SDK1: variants seen among roughly 807,000 people sequenced by gnomAD.
SDK1 encodes protein sidekick-1.
In SDK1, 157 loss-of-function variants were observed where a neutral mutation model predicts 245.5. That is an observed-to-expected ratio of 0.64 (90% CI 0.56 to 0.73). The LOEUF (loss-of-function observed/expected upper bound fraction) is 0.73, where lower values mean the gene tolerates loss of function less well. SDK1 is among the 30% of genes least tolerant of loss of function. The pLI, the probability that SDK1 is intolerant of heterozygous loss-of-function variation, is 0.00. For synonymous variants in SDK1, 1,647 were observed against 1,278.5 expected, an observed-to-expected ratio of 1.29 and a Z score of -6.15; for missense variants, 3,583 against 3,002.3, an observed-to-expected ratio of 1.19 and a Z score of -4.52.
chr7:3,341,796 G>A (rs1292284569), intron 1 of SDK1, among the ~76,000 whole-genome samples: 1 of 152,178 alleles, frequency 6.6e-6, no homozygotes, highest in Non-Finnish European at 1.5e-5. Flanking sequence ...CCCAAATGTT[G>A]CCACAAACCA....
chr7:3,841,728 A>G (rs190313174), intron 5 of SDK1, among the ~76,000 whole-genome samples: 293 of 152,026 alleles, frequency 1.9e-3, no homozygotes, highest in Non-Finnish European at 3.5e-3. Context: ...ATGCCTGGCT[A>G]ATTTTTGTAT....
At chr7:3,735,015 C>T (rs1004652580) in intron 4 of SDK1, among the ~76,000 whole-genome samples, 3 of 152,084 alleles carry the variant, frequency 2.0e-5, no homozygotes, top group Non-Finnish European at 2.9e-5. Flanking sequence ...GTTAAGACCT[C>T]TGTAATTACA....
chr7:3,582,685 A>T (rs960689769), intron 1 of SDK1, among the ~76,000 whole-genome samples: 6 of 51,214 alleles, frequency 1.2e-4, no homozygotes, highest in Admixed American at 3.2e-4. Context: ...AACTAAAGTA[A>T]AAAAAAAAAA....
intron 22 of SDK1, among the ~76,000 whole-genome samples, chr7:4,091,244 T>G (rs957991244): frequency 2.0e-5 from 3 of 151,996 alleles, no homozygotes; most frequent in African/African-American, 7.3e-5. Context: ...CTTTTCTATA[T>G]CTACAAAGGC....
At chr7:3,831,935 C>T (rs1448584101) in intron 5 of SDK1, among the ~76,000 whole-genome samples, 1 of 152,018 alleles carries the variant, frequency 6.6e-6, no homozygotes. Context: ...CCTGTGGCCC[C>T]AGCTGCTCAG....
rs377061305 is a variant in SDK1 at position 4,194,458 on chromosome 7, A to ATG, written c.5099-11411_5099-11410dup. ...TATACATATATGTATACATGTATAT[A>ATG]TGTGTGTGTGTATATATATACTCCC... On this transcript the variant is annotated intron_variant, in intron 35 of 44. Coordinates refer to ENST00000404826, the MANE Select transcript of SDK1 (RefSeq NM_152744.4). Among the ~76,000 whole-genome samples the ATG allele has an allele frequency of 5.0e-4, 31 of 62,152 alleles. 2 individuals carry two copies. Among genetic ancestry groups the ATG allele is most frequent in the African/African-American group, 1.5e-3 (20 of 12,940 alleles). 40.8% of individuals were successfully genotyped at this position (62,152 alleles called of 152,430 possible).
intron 1 of SDK1, among the ~76,000 whole-genome samples, chr7:3,440,355 C>A (rs920293167): frequency 5.3e-5 from 8 of 152,280 alleles, no homozygotes; most frequent in Middle Eastern, 3.4e-3. Flanking sequence ...GCAGGCTATA[C>A]AGTCTGTTGG....
intron 1 of SDK1, among the ~76,000 whole-genome samples, chr7:3,360,621 A>C (rs1023658029): frequency 6.6e-6 from 1 of 152,204 alleles, no homozygotes; most frequent in Admixed American, 6.5e-5. Flanking sequence ...TTTCTTAGGA[A>C]TATATGACAA....
intron 1 of SDK1, among the ~76,000 whole-genome samples, chr7:3,334,771 A>G (rs1780156666): frequency 6.6e-6 from 1 of 152,088 alleles, no homozygotes; most frequent in South Asian, 2.1e-4. Flanking sequence ...GTTTATCTCT[A>G]GCTTCAACCT....
At chr7:3,494,888 A>G (rs897538968) in intron 1 of SDK1, among the ~76,000 whole-genome samples, 8 of 152,190 alleles carry the variant, frequency 5.3e-5, no homozygotes, top group African/African-American at 1.7e-4. Context: ...TTCTGCTCCC[A>G]TGGTTTCAAA....
chr7:3,368,387 G>A (rs1781143398), intron 1 of SDK1, among the ~76,000 whole-genome samples: 1 of 152,150 alleles, frequency 6.6e-6, no homozygotes, highest in South Asian at 2.1e-4. Flanking sequence ...TCATACTTTT[G>A]TGGGAAACAT....
rs2128231529 is a variant in SDK1 at position 4,220,096 on chromosome 7, C to T, written c.5540-13C>T. On this transcript the variant is annotated splice_polypyrimidine_tract_variant and intron_variant, in intron 38 of 44. Transcript: ENST00000404826. Reference sequence around the variant, plus strand: ...CTGAACCCCCTTGTTTCCTTTGCTTCTGGCGGCTGCAGGGGTGAGCAAGGT... The same window carrying T: ...CTGAACCCCCTTGTTTCCTTTGCTTTTGGCGGCTGCAGGGGTGAGCAAGGT... The T allele has an allele frequency of 6.2e-7, 1 of 1,611,176 alleles. No individual in the cohort carries two copies. Among genetic ancestry groups the T allele is most frequent in the Non-Finnish European group, 8.5e-7 (1 of 1,177,968 alleles).
chr7:3,664,597 G>A (rs1042715003), intron 4 of SDK1, among the ~76,000 whole-genome samples: 22 of 152,010 alleles, frequency 1.4e-4, no homozygotes, highest in Non-Finnish European at 2.8e-4. Context: ...AAAATTGGCC[G>A]GGCATGGTGG....
intron 1 of SDK1, among the ~76,000 whole-genome samples, chr7:3,413,114 A>T (rs1779258563): frequency 6.6e-6 from 1 of 152,216 alleles, no homozygotes; most frequent in Admixed American, 6.5e-5. Flanking sequence ...CCCCCTGAGG[A>T]AGTGATATTT....
At chr7:4,049,310 C>A in intron 17 of SDK1, 38 bp from the exon 18 acceptor site, 1 of 1,519,824 alleles carries the variant, frequency 6.6e-7, no homozygotes, top group Non-Finnish European at 9.1e-7. Context: ...TCCCTCCTGC[C>A]ATTTGTTCTG....
At chr7:4,111,105 C>T (rs1210295951) in intron 23 of SDK1, among the ~76,000 whole-genome samples, 5 of 152,180 alleles carry the variant, frequency 3.3e-5, no homozygotes, top group Admixed American at 3.3e-4. Context: ...ACTCCACAAC[C>T]TGTTGGGACT....
At chr7:3,819,409 A>G (rs886184306) in intron 4 of SDK1, among the ~76,000 whole-genome samples, 5 of 152,140 alleles carry the variant, frequency 3.3e-5, no homozygotes, top group Admixed American at 1.3e-4. Context: ...GAATTCATGG[A>G]TATTTTATAA....
chr7:3,840,785 C>T (rs1780137719), intron 5 of SDK1, among the ~76,000 whole-genome samples: 1 of 152,188 alleles, frequency 6.6e-6, no homozygotes, highest in Non-Finnish European at 1.5e-5. Context: ...GCGAGCCTCG[C>T]CTGACTTGGA....
chr7:4,108,640 C>G (rs566812428), intron 22 of SDK1, among the ~76,000 whole-genome samples: 79 of 152,324 alleles, frequency 5.2e-4, no homozygotes, highest in Non-Finnish European at 1.0e-3. Flanking sequence ...GCCGGTCATT[C>G]TACATTTCAT....
Sources: gnomAD v4.1 joint callset for allele counts (sites outside exome capture counted in the v4.1 genomes callset) on GRCh38, gnomAD v4.1.1 for gene constraint, MANE v1.5 for transcripts, NCBI Gene and HGNC (gene_info 2026-07-23, HGNC 2026-07-21) for gene names.